The following NLGN1 variants were observed in gnomAD, a reference collection of about 807,000 sequenced individuals.
The protein encoded by NLGN1 is neuroligin 1, also known as neuroligin-1.
Under a neutral mutation model 65.5 loss-of-function variants are expected in NLGN1, and 12 were observed. The observed-to-expected ratio is 0.18, with a 90% CI of 0.12 to 0.30. NLGN1 has a LOEUF of 0.30. Among genes scored for constraint, NLGN1 ranks in the 10% least tolerant of loss-of-function variants. The pLI is 1.00. For synonymous variants in NLGN1, 350 were observed against 359.5 expected, an observed-to-expected ratio of 0.97 and a Z score of 0.30; for missense variants, 750 against 1,007.1, an observed-to-expected ratio of 0.74 and a Z score of 3.46.
intron 2 of NLGN1, among the ~76,000 whole-genome samples, chr3:173,598,753 A>G (rs1014768987): frequency 6.6e-6 from 1 of 152,190 alleles, no homozygotes; most frequent in Non-Finnish European, 1.5e-5. Flanking sequence ...AAAGGAAAAA[A>G]TAAGACTTTG....
At chr3:173,857,580 C>T (rs892721294) in intron 4 of NLGN1, among the ~76,000 whole-genome samples, 1 of 151,244 alleles carries the variant, frequency 6.6e-6, no homozygotes, top group African/African-American at 2.4e-5. Context: ...AATCAACCCA[C>T]TAATACAAAA....
At position 173,812,759 on chromosome 3, in the gene NLGN1, G is replaced by GTA. The variant is rs63429660; in HGVS notation, c.646+4939_646+4940dup. Among the ~76,000 whole-genome samples, 590 of 144,118 alleles carry GTA rather than the reference G, an allele frequency of 4.1e-3. 10 individuals are homozygous for GTA. Among genetic ancestry groups the GTA allele is most frequent in the African/African-American group, 0.013 (502 of 39,452 alleles). The allele number at this position is 144,118 out of a possible 152,430, so 94.5% of individuals were successfully genotyped here. On this transcript the variant is annotated intron_variant, in intron 4 of 6. Transcript: ENST00000457714. ...ACACATACTATATATGTGTGTGCGT[G>GTA]TATATATATATATGTGTGTGTATAT...
intron 4 of NLGN1, among the ~76,000 whole-genome samples, chr3:174,139,591 G>T (rs903341614): frequency 6.6e-6 from 1 of 152,018 alleles, no homozygotes; most frequent in East Asian, 1.9e-4. Context: ...GCAGGTTTTC[G>T]TGTGGACCTA....
At chr3:173,628,516 T>C (rs1755155294) in intron 3 of NLGN1, among the ~76,000 whole-genome samples, 1 of 152,056 alleles carries the variant, frequency 6.6e-6, no homozygotes. Context: ...GTTTTACATA[T>C]ATATTAAATC....
intron 3 of NLGN1, among the ~76,000 whole-genome samples, chr3:173,806,498 GAT>G (rs771667448): frequency 6.6e-6 from 1 of 151,986 alleles, no homozygotes; most frequent in Non-Finnish European, 1.5e-5. Context: ...CATAAAAAAA[GAT>G]AATACATTTG....
At chr3:173,909,672 T>G (rs1739180425) in intron 4 of NLGN1, among the ~76,000 whole-genome samples, 5 of 152,152 alleles carry the variant, frequency 3.3e-5, no homozygotes, top group African/African-American at 1.2e-4. Context: ...ATTTATTTAT[T>G]TATTCATTTA....
intron 4 of NLGN1, among the ~76,000 whole-genome samples, chr3:173,815,999 T>A (rs1050551144): frequency 1.4e-5 from 2 of 147,912 alleles, no homozygotes; most frequent in East Asian, 3.9e-4. Context: ...TAATAATTAA[T>A]TATAATAGTT....
chr3:173,707,586 A>G (rs866809057), intron 3 of NLGN1, among the ~76,000 whole-genome samples: 5 of 152,118 alleles, frequency 3.3e-5, no homozygotes, highest in African/African-American at 9.7e-5. Context: ...CTGTCTCCCA[A>G]CGTGTACCCA....
At chr3:173,497,942 G>A (rs887374099) in intron 2 of NLGN1, among the ~76,000 whole-genome samples, 4 of 151,516 alleles carry the variant, frequency 2.6e-5, no homozygotes, top group Non-Finnish European at 4.4e-5. Flanking sequence ...TTCCTTTGTT[G>A]TTCAGAAGAT....
chr3:173,968,481 A>C (rs1480716816), intron 4 of NLGN1, among the ~76,000 whole-genome samples: 1 of 152,076 alleles, frequency 6.6e-6, no homozygotes, highest in Non-Finnish European at 1.5e-5. Context: ...GCAGTTCTAA[A>C]AAATGAGTCA....
At chr3:174,292,505 GAAT>G in the NLGN1 span, among the ~76,000 whole-genome samples, 22,716 of 150,878 alleles carry the variant, frequency 0.15, 1,912 homozygotes, top group South Asian at 0.23. Flanking sequence ...ATTCTAAAGT[GAAT>G]AATAATTAAA....
intron 2 of NLGN1, among the ~76,000 whole-genome samples, chr3:173,480,326 G>A (rs748232714): frequency 6.6e-6 from 1 of 151,858 alleles, no homozygotes. Flanking sequence ...AAGAAATGAC[G>A]AATGGGTTTC....
intron 2 of NLGN1, among the ~76,000 whole-genome samples, chr3:173,602,537 C>T (rs1750715190): frequency 6.6e-6 from 1 of 151,960 alleles, no homozygotes; most frequent in Non-Finnish European, 1.5e-5. Context: ...GAAACAGGAG[C>T]TTCTTTATCC....
intron 4 of NLGN1, among the ~76,000 whole-genome samples, chr3:174,107,015 C>CAGAGAGAGAGAG (rs1349226673): frequency 2.6e-4 from 17 of 65,480 alleles, no homozygotes; most frequent in South Asian, 1.3e-3. Flanking sequence ...CACACACACA[C>CAGAGAGAGAGAG]ACAGAGAGAG....
intron 2 of NLGN1, among the ~76,000 whole-genome samples, chr3:173,526,686 T>G (rs1735698723): frequency 6.6e-6 from 1 of 152,180 alleles, no homozygotes; most frequent in Non-Finnish European, 1.5e-5. Context: ...TTAGAAAATA[T>G]TAGGTCTTAT....
At chr3:173,958,441 C>T (rs1404763266) in intron 4 of NLGN1, among the ~76,000 whole-genome samples, 2 of 152,114 alleles carry the variant, frequency 1.3e-5, no homozygotes, top group Admixed American at 6.5e-5. Context: ...GGTAGCTCCT[C>T]TCCGTGGCTG....
intron 4 of NLGN1, among the ~76,000 whole-genome samples, chr3:174,226,910 A>C (rs977728048): frequency 1.1e-4 from 16 of 152,178 alleles, no homozygotes; most frequent in African/African-American, 3.9e-4. Flanking sequence ...ACAAAGGAGT[A>C]CATGTGTTTT....
chr3:174,116,344 T>C lies in NLGN1; in HGVS notation c.647-158971T>C, dbSNP rs1450839615. Among the ~76,000 whole-genome samples, 61 of 139,464 alleles carry C rather than the reference T, an allele frequency of 4.4e-4. 1 individual carries two copies. The highest frequency in any genetic ancestry group is 1.4e-3 in the African/African-American group (54 of 37,592). The allele number at this position is 139,464 out of a possible 152,430, so 91.5% of individuals were successfully genotyped here. ...TTCTGGGTTTTCTTTTTTTTTTTTT[T>C]TTTTTTTTTTTTTGAGACAGTCTCG... On this transcript the variant is annotated intron_variant, in intron 4 of 6. Transcript: ENST00000457714.
At chr3:174,251,678 A>C (rs1744792677) in intron 4 of NLGN1, among the ~76,000 whole-genome samples, 1 of 152,242 alleles carries the variant, frequency 6.6e-6, no homozygotes, top group Admixed American at 6.5e-5. Flanking sequence ...TGTTACAATT[A>C]ACTTTATTTA....
Sources: allele counts gnomAD v4.1 joint callset (sites outside exome capture counted in the v4.1 genomes callset), GRCh38; gene constraint gnomAD v4.1.1; transcripts MANE v1.5; gene names NCBI Gene and HGNC (gene_info 2026-07-23, HGNC 2026-07-21).